NKAIN2: variants seen among roughly 807,000 people sequenced by gnomAD.
The protein encoded by NKAIN2 is sodium/potassium transporting ATPase interacting 2.
A neutral mutation model predicts 32.6 loss-of-function variants in NKAIN2; 14 were observed. That is an observed-to-expected ratio of 0.43 (90% CI 0.28 to 0.67). The LOEUF is 0.67. NKAIN2 is among the 30% of genes least tolerant of loss of function. NKAIN2 has a pLI of 0.17. For missense variants in NKAIN2, 198 were observed against 258.3 expected (o/e 0.77, Z 1.60); for synonymous variants, 80 against 87.2 (o/e 0.92, Z 0.46).
At chr6:124,271,987 G>A (rs958966737) in intron 1 of NKAIN2, among the ~76,000 whole-genome samples, 9 of 152,176 alleles carry the variant, frequency 5.9e-5, no homozygotes, top group African/African-American at 1.9e-4. Flanking sequence ...CTTGGGTGCC[G>A]TTCAAGCATT....
At position 124,727,449 on chromosome 6, in the gene NKAIN2, G is replaced by C. The variant is rs571100690; in HGVS notation, c.475-63890G>C. On this transcript the variant is annotated intron_variant, in intron 4 of 6. Transcript: ENST00000368417. Reference sequence around the variant, plus strand: ...TTTTCAACCCAGAATTTCATATCCAGCCAAACTAAGCTTCATAAGTGAAGG... The same window carrying C: ...TTTTCAACCCAGAATTTCATATCCACCCAAACTAAGCTTCATAAGTGAAGG... Among the ~76,000 whole-genome samples, 799 of 149,806 alleles carry C rather than the reference G, an allele frequency of 5.3e-3. 3 individuals are homozygous for C. The highest frequency in any genetic ancestry group is 9.6e-3 in the Non-Finnish European group (645 of 66,848).
intron 3 of NKAIN2, among the ~76,000 whole-genome samples, chr6:124,571,415 C>T (rs1449265626): frequency 1.3e-5 from 2 of 152,130 alleles, no homozygotes; most frequent in African/African-American, 4.8e-5. Flanking sequence ...AGAATTCCCA[C>T]GTGTTGTGGG....
chr6:124,245,676 G>T (rs543512564), intron 1 of NKAIN2, among the ~76,000 whole-genome samples: 1 of 152,140 alleles, frequency 6.6e-6, no homozygotes, highest in East Asian at 1.9e-4. Flanking sequence ...CATTGTGTCA[G>T]GAGTTGGACG....
chr6:124,465,659 A>G (rs1043941311), intron 3 of NKAIN2, among the ~76,000 whole-genome samples: 19 of 149,780 alleles, frequency 1.3e-4, no homozygotes, highest in Non-Finnish European at 2.4e-4. Flanking sequence ...AATTCCTTTG[A>G]CAAGGAACCT....
chr6:124,221,435 T>G (rs1582873778), intron 1 of NKAIN2, among the ~76,000 whole-genome samples: 2 of 146,778 alleles, frequency 1.4e-5, no homozygotes, highest in East Asian at 2.1e-4. Context: ...AGGGATAGCA[T>G]TGGGAGATAT....
intron 3 of NKAIN2, among the ~76,000 whole-genome samples, chr6:124,429,540 T>G (rs1297786286): frequency 3.9e-5 from 6 of 152,194 alleles, no homozygotes; most frequent in Admixed American, 2.6e-4. Context: ...TCTCTCCAGA[T>G]GGAATCTTTC....
In NKAIN2 at chr6:124,564,115, G is replaced by A. The variant is rs199879951; in HGVS notation, c.274-94071G>A. Among the ~76,000 whole-genome samples the A allele has an allele frequency of 1.1e-4, 16 of 152,254 alleles. No homozygotes were observed. The East Asian group carries it at 1.4e-3, about 13-fold the overall frequency. ...CCACACTGGGTTTGAGGAAGTGACC[G>A]GTGAAGCCAGCTGGACTTCCTGGGT... On this transcript the variant is annotated intron_variant, in intron 3 of 6. Coordinates refer to ENST00000368417, the MANE Select transcript of NKAIN2 (RefSeq NM_001040214.3).
At chr6:124,701,151 A>G (rs368808856) in intron 4 of NKAIN2, among the ~76,000 whole-genome samples, 10 of 115,814 alleles carry the variant, frequency 8.6e-5, no homozygotes, top group Admixed American at 2.7e-4. Flanking sequence ...ACACACACAC[A>G]CGCACACACA....
At chr6:124,048,276 A>T (rs767536795) in intron 1 of NKAIN2, among the ~76,000 whole-genome samples, 1 of 152,018 alleles carries the variant, frequency 6.6e-6, no homozygotes, top group Non-Finnish European at 1.5e-5. Context: ...TTTACAAAGA[A>T]TTATACAGAA....
intron 1 of NKAIN2, among the ~76,000 whole-genome samples, chr6:124,166,003 A>G (rs2114474979): frequency 9.5e-6 from 1 of 105,250 alleles, no homozygotes; most frequent in African/African-American, 3.7e-5. Flanking sequence ...TTATAGCAGC[A>G]TGATTTATAG....
chr6:124,048,734 A>G (rs2114827353), intron 1 of NKAIN2, among the ~76,000 whole-genome samples: 1 of 152,190 alleles, frequency 6.6e-6, no homozygotes, highest in Admixed American at 6.6e-5. Context: ...TTTGAAATAA[A>G]TAATTATTGG....
intron 3 of NKAIN2, among the ~76,000 whole-genome samples, chr6:124,611,811 G>A (rs1181462977): frequency 6.6e-6 from 1 of 152,156 alleles, no homozygotes; most frequent in African/African-American, 2.4e-5. Flanking sequence ...GATCGCTTAA[G>A]TGTGACTCCG....
chr6:124,039,729 AT>A (rs1449294083), intron 1 of NKAIN2, among the ~76,000 whole-genome samples: 2 of 151,874 alleles, frequency 1.3e-5, no homozygotes, highest in Non-Finnish European at 2.9e-5. Context: ...CTAAAAATAT[AT>A]TTTTATTGTT....
intron 1 of NKAIN2, among the ~76,000 whole-genome samples, chr6:124,107,138 C>G (rs775622009): frequency 2.6e-4 from 39 of 152,196 alleles, no homozygotes; most frequent in East Asian, 3.9e-4. Flanking sequence ...GGAACAAGTG[C>G]AAAGGCCTGA....
chr6:124,136,926 A>G (rs1786822946), intron 1 of NKAIN2, among the ~76,000 whole-genome samples: 1 of 152,120 alleles, frequency 6.6e-6, no homozygotes, highest in South Asian at 2.1e-4. Context: ...GAAAATTGAA[A>G]GTATTCCCCC....
intron 1 of NKAIN2, among the ~76,000 whole-genome samples, chr6:124,009,521 C>T (rs1780226238): frequency 6.6e-6 from 1 of 152,016 alleles, no homozygotes; most frequent in Non-Finnish European, 1.5e-5. Context: ...GCACTGCATA[C>T]CCTACAATGT....
chr6:123,870,887 T>G (rs555912457), intron 1 of NKAIN2, among the ~76,000 whole-genome samples: 1 of 152,184 alleles, frequency 6.6e-6, no homozygotes, highest in Non-Finnish European at 1.5e-5. Flanking sequence ...GTTATATATA[T>G]AGAGTGTATA....
chr6:124,399,796 A>C (rs1455664565), intron 3 of NKAIN2, among the ~76,000 whole-genome samples: 3 of 152,220 alleles, frequency 2.0e-5, no homozygotes, highest in Non-Finnish European at 4.4e-5. Flanking sequence ...GTTCCTGACA[A>C]ATGCTGGTAG....
intron 3 of NKAIN2, among the ~76,000 whole-genome samples, chr6:124,502,954 A>G (rs905032669): frequency 6.6e-6 from 1 of 152,152 alleles, no homozygotes; most frequent in Admixed American, 6.5e-5. Flanking sequence ...ATTTTTCTAT[A>G]TAAATTTTAG....
Sources: allele counts gnomAD v4.1 joint callset (sites outside exome capture counted in the v4.1 genomes callset), GRCh38; gene constraint gnomAD v4.1.1; transcripts MANE v1.5; gene names NCBI Gene and HGNC (gene_info 2026-07-23, HGNC 2026-07-21).